GRIA4: variants seen among roughly 807,000 people sequenced by gnomAD.
GRIA4 encodes glutamate receptor 4.
A neutral mutation model predicts 104.0 loss-of-function variants in GRIA4; 34 were observed. That is an observed-to-expected ratio of 0.33 (90% CI 0.25 to 0.44). GRIA4 has a LOEUF of 0.44. GRIA4 is among the 20% of genes least tolerant of loss of function. The pLI, the probability that GRIA4 is intolerant of heterozygous loss-of-function variation, is 1.00. For missense variants in GRIA4, 750 were observed against 1,096.5 expected, an observed-to-expected ratio of 0.68 and a Z score of 4.46; for synonymous variants, 386 against 381.9, an observed-to-expected ratio of 1.01 and a Z score of -0.13.
chr11:105,668,222 A>AATAT (rs1555095706), intron 3 of GRIA4, among the ~76,000 whole-genome samples: 18 of 137,242 alleles, frequency 1.3e-4, no homozygotes, highest in Admixed American at 5.3e-4. Flanking sequence ...ACACACATAT[A>AATAT]ATATATATAT....
intron 4 of GRIA4, among the ~76,000 whole-genome samples, chr11:105,847,373 G>A (rs1944638193): frequency 6.6e-6 from 1 of 152,166 alleles, no homozygotes; most frequent in African/African-American, 2.4e-5. Flanking sequence ...CCAGGGACCG[G>A]TAGGGGTCTG....
chr11:105,869,567 T>C (rs768518903), intron 5 of GRIA4, among the ~76,000 whole-genome samples: 1 of 152,130 alleles, frequency 6.6e-6, no homozygotes, highest in Non-Finnish European at 1.5e-5. Context: ...ACTCCTCAAA[T>C]GTTTTAAATG....
intron 3 of GRIA4, among the ~76,000 whole-genome samples, chr11:105,628,885 T>A (rs1565414774): frequency 6.6e-6 from 1 of 152,102 alleles, no homozygotes; most frequent in Admixed American, 6.6e-5. Flanking sequence ...GCTAAAATAG[T>A]ATTTTATTTT....
chr11:105,700,507 T>G (rs1953449365), intron 3 of GRIA4, among the ~76,000 whole-genome samples: 1 of 152,188 alleles, frequency 6.6e-6, no homozygotes, highest in South Asian at 2.1e-4. Context: ...ATGTGACAAC[T>G]AGGCAGAGGC....
intron 4 of GRIA4, among the ~76,000 whole-genome samples, chr11:105,832,133 A>C (rs980499423): frequency 3.3e-5 from 5 of 151,980 alleles, no homozygotes; most frequent in Non-Finnish European, 7.4e-5. Flanking sequence ...CTGAAACAAT[A>C]ACCCTGCAAT....
intron 4 of GRIA4, among the ~76,000 whole-genome samples, chr11:105,833,757 T>A (rs1216030427): frequency 6.6e-6 from 1 of 152,000 alleles, no homozygotes; most frequent in Non-Finnish European, 1.5e-5. Flanking sequence ...GCAGATTGGC[T>A]ATGTGCTGTC....
chr11:105,977,378 G>A (rs1357189023), intron 16 of GRIA4, among the ~76,000 whole-genome samples: 1 of 151,768 alleles, frequency 6.6e-6, no homozygotes, highest in Non-Finnish European at 1.5e-5. Context: ...AGTGGTTTGG[G>A]GACTCTTTCA....
In GRIA4 at chr11:105,889,141, A is replaced by G. The variant is rs142545315; in HGVS notation, c.726+1569A>G. Among the ~76,000 whole-genome samples the G allele has an allele frequency of 6.2e-3, 944 of 152,316 alleles. 4 individuals carry two copies. Among genetic ancestry groups the G allele is most frequent in the Non-Finnish European group, 9.3e-3 (633 of 68,002 alleles). ...TGTTATATGTAGATTATCATTCCAGAAATGAGTTGCTGACATTGGCAATTA... is the reference window on the plus strand; with the variant it reads ...TGTTATATGTAGATTATCATTCCAGGAATGAGTTGCTGACATTGGCAATTA... On this transcript the variant is annotated intron_variant, in intron 6 of 16. Coordinates refer to ENST00000282499, the MANE Select transcript of GRIA4 (RefSeq NM_000829.4).
chr11:105,913,512 T>C (rs1016798533), intron 10 of GRIA4: 1 of 701,966 alleles, frequency 1.4e-6, no homozygotes, highest in African/African-American at 1.9e-5. Flanking sequence ...TGTGACCATA[T>C]TGATTTAACT....
At chr11:105,975,591 T>C (rs1858939469) in intron 16 of GRIA4, among the ~76,000 whole-genome samples, 3 of 152,092 alleles carry the variant, frequency 2.0e-5, no homozygotes, top group African/African-American at 7.2e-5. Flanking sequence ...ACCCATTTTC[T>C]AAAATTATCT....
chr11:105,620,157 ATTG>A (rs1950704514), intron 3 of GRIA4, among the ~76,000 whole-genome samples: 1 of 151,868 alleles, frequency 6.6e-6, no homozygotes, highest in South Asian at 2.1e-4. Context: ...AGTAAATCCA[ATTG>A]TTATTTCTTA....
intron 5 of GRIA4, among the ~76,000 whole-genome samples, chr11:105,865,485 T>C (rs972173229): frequency 2.0e-5 from 3 of 152,208 alleles, no homozygotes; most frequent in African/African-American, 7.2e-5. Flanking sequence ...GTTTGAAAGA[T>C]ATTATAAATA....
chr11:105,886,920 G>C (rs547718185), intron 5 of GRIA4, among the ~76,000 whole-genome samples: 4 of 148,908 alleles, frequency 2.7e-5, no homozygotes, highest in Non-Finnish European at 4.5e-5. Flanking sequence ...AAAAAAAAAA[G>C]AATCCAACAG....
At chr11:105,667,184 T>C (rs1952192132) in intron 3 of GRIA4, among the ~76,000 whole-genome samples, 1 of 151,978 alleles carries the variant, frequency 6.6e-6, no homozygotes, top group Non-Finnish European at 1.5e-5. Context: ...TGTATGCACC[T>C]AGCAAGGAAA....
intron 3 of GRIA4, among the ~76,000 whole-genome samples, chr11:105,621,042 A>C (rs1269402130): frequency 1.3e-5 from 2 of 151,794 alleles, no homozygotes; most frequent in Non-Finnish European, 3.0e-5. Context: ...TGATATTGTC[A>C]ATAAAAAGTT....
At position 105,611,025 on chromosome 11, in the gene GRIA4, T is replaced by C. The variant is rs747123159; in HGVS notation, c.28T>C (p.Leu10=). MRIISRQIV[L]LFSGFWGLAM... is the part of the protein sequence containing the mutation. Reference sequence around the variant, plus strand: ...GAGGATTATTTCCAGACAGATTGTCTTGTTATTTTCTGGATTTTGGGGACT... The same window carrying C: ...GAGGATTATTTCCAGACAGATTGTCCTGTTATTTTCTGGATTTTGGGGACT... Residue 10 remains leucine, a synonymous_variant, in exon 2 of 17, where the codon TTG becomes CTG. Coordinates refer to ENST00000282499, the MANE Select transcript of GRIA4 (RefSeq NM_000829.4). The C allele has an allele frequency of 1.1e-5, 17 of 1,613,458 alleles. No individual in the cohort carries two copies. The highest frequency in any genetic ancestry group is 1.4e-5 in the Non-Finnish European group (16 of 1,179,500).
Position 105,897,782 on chromosome 11 carries a change from T to G in GRIA4, c.727-487T>G, listed in dbSNP as rs1194955097. ...ACCTACTTGATCACAGTGAGTTATC[T>G]TTTTGATGTGCTGCTGGATTTGGGG... On this transcript the variant is annotated intron_variant, in intron 6 of 16. Transcript: ENST00000282499. 2.0e-5 allele frequency among the ~76,000 whole-genome samples: 3 copies of G among 152,194 alleles called. No individual in the cohort carries two copies. In the East Asian group the frequency reaches 5.8e-4, roughly 29 times the overall value.
At chr11:105,768,287 AAAAC>A (rs1171563739) in intron 4 of GRIA4, among the ~76,000 whole-genome samples, 1 of 152,158 alleles carries the variant, frequency 6.6e-6, no homozygotes, top group Non-Finnish European at 1.5e-5. Context: ...ATATTGAAGA[AAAAC>A]AAAGCTATCT....
At chr11:105,841,518 G>A (rs1364445764) in intron 4 of GRIA4, among the ~76,000 whole-genome samples, 3 of 151,862 alleles carry the variant, frequency 2.0e-5, no homozygotes, top group Admixed American at 6.6e-5. Context: ...AGTGTGGAGC[G>A]TTTTCTGGGA....
Sources: gnomAD v4.1 joint callset for allele counts (sites outside exome capture counted in the v4.1 genomes callset) on GRCh38, gnomAD v4.1.1 for gene constraint, MANE v1.5 for transcripts, NCBI Gene and HGNC (gene_info 2026-07-23, HGNC 2026-07-21) for gene names.